The following ATP10A variants were observed in gnomAD, a reference collection of about 807,000 sequenced individuals.
ATP10A encodes the protein phospholipid-transporting ATPase VA.
A neutral mutation model predicts 147.8 loss-of-function variants in ATP10A; 111 were observed. The ratio of observed to expected loss-of-function variants is 0.75; its 90% CI spans 0.64 to 0.88. The LOEUF is 0.88. ATP10A is among the 40% of genes least tolerant of loss of function. The probability of loss-of-function intolerance (pLI) is 0.00; values close to 1 mark genes in which losing one functional copy is unlikely to be tolerated. For synonymous variants in ATP10A, 875 were observed against 841.6 expected (o/e 1.04, Z -0.69); for missense variants, 1,927 against 1,959.0 (o/e 0.98, Z 0.31).
At chr15:25,750,610 G>A (rs1404630065) in intron 2 of ATP10A, among the ~76,000 whole-genome samples, 2 of 152,034 alleles carry the variant, frequency 1.3e-5, no homozygotes, top group Non-Finnish European at 2.9e-5. Flanking sequence ...CTTTTTATGA[G>A]CATGGGTAAG....
chr15:25,786,355 G>A (rs17116143), intron 1 of ATP10A, among the ~76,000 whole-genome samples: 3,810 of 152,250 alleles, frequency 0.025, 140 homozygotes, highest in African/African-American at 0.086. Flanking sequence ...CGTCACCACC[G>A]CAGTTTTACT....
At position 25,862,846 on chromosome 15, in the gene ATP10A, T is replaced by C. The variant is rs766046765; in HGVS notation, c.251A>G (p.His84Arg). Residue 84 changes from histidine (H) to arginine (R), a missense_variant, in exon 1 of 21, where the codon CAC becomes CGC. His to Arg is a conservative substitution (Grantham distance 29). Transcript: ENST00000555815. The part of the protein sequence containing the change: ...FLPKNLFEQF[H>R]RPANVYFVFI... ...GACAAAGTACACGTTGGCCGGGCGG[T>C]GGAACTGCTCGAACAGGTTCTTGGG... The C allele has an allele frequency of 6.2e-6, 10 of 1,610,160 alleles. No individual in the cohort carries two copies. The African/African-American group carries it at 1.1e-4, about 17-fold the overall frequency.
rs115297872 is a variant in ATP10A at position 25,834,463 on chromosome 15, A to T, written c.449+28185T>A. ...CCAAACCACAATAAGATGTGACTTC[A>T]CACCCGATAGATGGCTAGAGTCTGA... is the stretch of plus-strand genomic sequence containing the variant. On this transcript the variant is annotated intron_variant, in intron 1 of 20. Coordinates refer to ENST00000555815, the MANE Select transcript of ATP10A (RefSeq NM_024490.4). Among the ~76,000 whole-genome samples, 269 of 152,340 alleles carry T rather than the reference A, an allele frequency of 1.8e-3. 2 individuals carry two copies. The highest frequency in any genetic ancestry group is 6.1e-3 in the African/African-American group (253 of 41,584).
At position 25,679,405 on chromosome 15, in the gene ATP10A, C is replaced by A; in HGVS notation, c.4436G>T (p.Arg1479Leu). ...GTGGTCTGGCCCTTGAAGTCCTGAT[C>A]GGCCTGAGTGGGGCTGGACAGGAAG... is the stretch of plus-strand genomic sequence containing the variant. ...RGLPVQPHSG[R>L]SGLQGPDHRL... Residue 1479 changes from arginine to leucine, a missense_variant, in exon 21 of 21, where the codon CGA (arginine) becomes CTA (leucine). Arg to Leu is a moderately radical substitution (Grantham distance 102, BLOSUM62 -2). Coordinates refer to ENST00000555815, the MANE Select transcript of ATP10A (RefSeq NM_024490.4). The A allele has an allele frequency of 6.2e-7, 1 of 1,612,004 alleles. No homozygotes were observed. The highest frequency in any genetic ancestry group is 8.5e-7 in the Non-Finnish European group (1 of 1,178,232).
intron 1 of ATP10A, among the ~76,000 whole-genome samples, chr15:25,789,835 T>C (rs1890330883): frequency 6.6e-6 from 1 of 152,110 alleles, no homozygotes; most frequent in Non-Finnish European, 1.5e-5. Context: ...CCCAGCCTCC[T>C]CCTATAGATG....
At chr15:25,849,522 G>A (rs1287610262) in intron 1 of ATP10A, among the ~76,000 whole-genome samples, 1 of 152,200 alleles carries the variant, frequency 6.6e-6, no homozygotes, top group African/African-American at 2.4e-5. Flanking sequence ...TCCCAAGGGC[G>A]CATTATGAAG....
At chr15:25,684,765 T>C (rs1370036760) in intron 16 of ATP10A, among the ~76,000 whole-genome samples, 2 of 152,190 alleles carry the variant, frequency 1.3e-5, no homozygotes, top group Non-Finnish European at 2.9e-5. Context: ...GCTGCAACTA[T>C]CTACCCTTTT....
At chr15:25,781,623 C>G (rs1007423052) in intron 1 of ATP10A, among the ~76,000 whole-genome samples, 8 of 151,792 alleles carry the variant, frequency 5.3e-5, no homozygotes, top group Admixed American at 2.0e-4. Context: ...CTACTGCACT[C>G]CAGCCTGGGC....
chr15:25,802,506 C>G (rs549357117), intron 1 of ATP10A, among the ~76,000 whole-genome samples: 6 of 152,164 alleles, frequency 3.9e-5, no homozygotes, highest in African/African-American at 1.2e-4. Context: ...AAACCACACA[C>G]GTTTATGATG....
In ATP10A at chr15:25,862,776, C is replaced by A. The variant is rs1200409660; in HGVS notation, c.321G>T (p.Gln107His). The A allele has an allele frequency of 1.2e-6, 2 of 1,610,882 alleles. No homozygotes were observed. Among genetic ancestry groups the A allele is most frequent in the Non-Finnish European group, 1.7e-6 (2 of 1,178,616 alleles). Reference sequence around the variant, plus strand: ...GCACCGGCGCCAGTGCCAGGCCGGGCTGGAAGGCGTTCACCGCCGGCACGA... The same window carrying A: ...GCACCGGCGCCAGTGCCAGGCCGGGATGGAAGGCGTTCACCGCCGGCACGA... ...LNFVPAVNAF[Q>H]PGLALAPVLF... Residue 107 changes from glutamine to histidine, a missense_variant, in exon 1 of 21, where the codon CAG becomes CAT. Physicochemically the swap from Gln to His is conservative, Grantham distance 24 (BLOSUM62 0). Coordinates refer to ENST00000555815, the MANE Select transcript of ATP10A (RefSeq NM_024490.4).
intron 12 of ATP10A, among the ~76,000 whole-genome samples, chr15:25,705,464 A>C (rs1231017476): frequency 8.1e-4 from 3 of 3,724 alleles, no homozygotes; most frequent in African/African-American, 1.4e-3. Flanking sequence ...CAAAAAAAAA[A>C]AACAAAAAAA....
Position 25,714,047 on chromosome 15 carries a change from C to G in ATP10A, c.1971G>C (p.Arg657Ser). The change falls in exon 10 of 21, where the codon AGG becomes AGC. Residue 657 changes from arginine to serine, a missense_variant. Physicochemically the swap from Arg to Ser is moderately radical, Grantham distance 110. Transcript: ENST00000555815. ...SDGMLLRLEERLGQPTSAIAS... is the reference protein window; with the variant it reads ...SDGMLLRLEESLGQPTSAIAS... ...CGATGGCCGAGGTGGGCTGGCCCAG[C>G]CTCTCCTCCAGCCTGAGAAGCATGC... is the stretch of plus-strand genomic sequence containing the variant. 10 of 1,612,266 alleles carry G rather than the reference C, an allele frequency of 6.2e-6. No individual in the cohort carries two copies. The highest frequency in any genetic ancestry group is 8.5e-6 in the Non-Finnish European group (10 of 1,179,978).
At chr15:25,828,421 A>C (rs1281238063) in intron 1 of ATP10A, among the ~76,000 whole-genome samples, 2 of 152,254 alleles carry the variant, frequency 1.3e-5, no homozygotes, top group Non-Finnish European at 2.9e-5. Context: ...AGTAAGTTTA[A>C]AGGATCGATA....
chr15:25,737,938 G>A (rs1358805120), intron 2 of ATP10A, among the ~76,000 whole-genome samples: 1 of 152,122 alleles, frequency 6.6e-6, no homozygotes, highest in Non-Finnish European at 1.5e-5. Flanking sequence ...CCTTACTCCC[G>A]AATGTCCAGC....
chr15:25,786,649 G>T (rs1312282149), intron 1 of ATP10A, among the ~76,000 whole-genome samples: 1 of 115,308 alleles, frequency 8.7e-6, no homozygotes, highest in Admixed American at 1.1e-4. Context: ...TTTTTGAGGC[G>T]GAGTCTCGCT....
chr15:25,823,076 AT>A (rs1412563358), intron 1 of ATP10A, among the ~76,000 whole-genome samples: 2 of 152,210 alleles, frequency 1.3e-5, no homozygotes, highest in African/African-American at 4.8e-5. Context: ...CATTTTTTAA[AT>A]TAAACTTTTA....
intron 1 of ATP10A, among the ~76,000 whole-genome samples, chr15:25,835,341 T>C (rs1170157236): frequency 1.3e-5 from 2 of 152,204 alleles, no homozygotes. Flanking sequence ...CTCTCCCAGA[T>C]ACTCAAATAT....
chr15:25,703,506 C>G lies in ATP10A; in HGVS notation c.2576-1406G>C, dbSNP rs371438937. 3.3e-5 allele frequency among the ~76,000 whole-genome samples: 5 copies of G among 152,300 alleles called. No homozygotes were observed. The East Asian group carries it at 9.7e-4, about 29-fold the overall frequency. ...TAGAGCCTTGATCTTGGACTTTTAG[C>G]CTTCAAAACTCTAAGAAGTAAATGT... On this transcript the variant is annotated intron_variant, in intron 12 of 20. Transcript: ENST00000555815.
chr15:25,726,867 C>G (rs1233944533), intron 4 of ATP10A, among the ~76,000 whole-genome samples: 1 of 147,124 alleles, frequency 6.8e-6, no homozygotes, highest in African/African-American at 2.5e-5. Context: ...CTGGCTAATA[C>G]GGTGAAATCC....
Sources: allele counts gnomAD v4.1 joint callset (sites outside exome capture counted in the v4.1 genomes callset), GRCh38; gene constraint gnomAD v4.1.1; transcripts MANE v1.5; gene names NCBI Gene and HGNC (gene_info 2026-07-23, HGNC 2026-07-21).